Variants in TPO observed in about 807,000 individuals in gnomAD.
TPO encodes the protein thyroid peroxidase.
Under a neutral mutation model 96.9 loss-of-function variants are expected in TPO, and 78 were observed. The observed-to-expected ratio is 0.81, with a 90% confidence interval of 0.67 to 0.97. The LOEUF (loss-of-function observed/expected upper bound fraction) is 0.97. Ranked by LOEUF, TPO falls within the 50% of genes least tolerant of loss-of-function variation. The pLI is 0.00. For missense variants in TPO, 1,252 were observed against 1,274.8 expected (o/e 0.98, Z 0.27); for synonymous variants, 547 against 538.0 (o/e 1.02, Z -0.23).
At chr2:1,489,281 A>G (rs1671487905) in intron 10 of TPO, among the ~76,000 whole-genome samples, 1 of 148,694 alleles carries the variant, frequency 6.7e-6, no homozygotes, top group African/African-American at 2.5e-5. Flanking sequence ...CATGCCCAGC[A>G]CACACCCACA....
At chr2:1,531,705 G>A (rs1395423338) in intron 15 of TPO, among the ~76,000 whole-genome samples, 1 of 31,038 alleles carries the variant, frequency 3.2e-5, no homozygotes, top group Non-Finnish European at 6.4e-5. Flanking sequence ...TTGCAACCTC[G>A]CCAAATCCCC....
intron 1 of TPO, among the ~76,000 whole-genome samples, chr2:1,385,965 T>C (rs186610102): frequency 1.3e-5 from 2 of 152,362 alleles, no homozygotes; most frequent in East Asian, 3.9e-4. Context: ...CTTCATTTTG[T>C]TATATACCCA....
intron 13 of TPO, among the ~76,000 whole-genome samples, chr2:1,500,507 A>G (rs955504886): frequency 2.0e-5 from 3 of 152,196 alleles, no homozygotes; most frequent in South Asian, 2.1e-4. Flanking sequence ...TGATAAGAAT[A>G]TAAGCACTCA....
intron 15 of TPO, among the ~76,000 whole-genome samples, chr2:1,524,439 T>TC (rs1362509110): frequency 1.2e-4 from 1 of 8,144 alleles, no homozygotes; most frequent in African/African-American, 5.1e-4. Flanking sequence ...CCCCCCCAAA[T>TC]CCCCCCACTG....
At chr2:1,525,737 T>A (rs1676299131) in intron 15 of TPO, among the ~76,000 whole-genome samples, 1 of 86,864 alleles carries the variant, frequency 1.2e-5, no homozygotes, top group Non-Finnish European at 2.3e-5. Context: ...CTCTGCAAAC[T>A]CCCCAAATCT....
At chr2:1,438,605 T>A (rs1220813718) in intron 5 of TPO, among the ~76,000 whole-genome samples, 1 of 35,558 alleles carries the variant, frequency 2.8e-5, no homozygotes, top group African/African-American at 1.1e-4. Context: ...ACGTCCCTCC[T>A]CCACGTCAGG....
At position 1,508,905 on chromosome 2, in the gene TPO, C is replaced by T. The variant is rs368067495; in HGVS notation, c.2518+4826C>T. On this transcript the variant is annotated intron_variant, in intron 14 of 16. Coordinates refer to ENST00000329066, the MANE Select transcript of TPO (RefSeq NM_001206744.2). ...TTTCCTTCAGTTCTGCTCTGATCTT[C>T]GTTATTTCTTGCCTTCTGCTAGCTT... 5.3e-5 allele frequency among the ~76,000 whole-genome samples: 8 copies of T among 152,194 alleles called. No individual in the cohort carries two copies. In the South Asian group the frequency reaches 6.2e-4, roughly 12 times the overall value.
chr2:1,378,763 G>A (rs1033933906), intron 1 of TPO, among the ~76,000 whole-genome samples: 1 of 152,168 alleles, frequency 6.6e-6, no homozygotes, highest in Non-Finnish European at 1.5e-5. Flanking sequence ...TGCACCTGGC[G>A]GGGGGTTCGT....
chr2:1,474,774 C>T (rs1380987204), intron 7 of TPO, among the ~76,000 whole-genome samples: 1 of 152,210 alleles, frequency 6.6e-6, no homozygotes, highest in African/African-American at 2.4e-5. Flanking sequence ...GAGCCCTGCT[C>T]CTTTCTCATG....
chr2:1,487,979 C>A lies in TPO; in HGVS notation c.1756C>A (p.His586Asn). 2 of 1,613,206 alleles carry A rather than the reference C, an allele frequency of 1.2e-6. No homozygotes were observed. Among genetic ancestry groups the A allele is most frequent in the Non-Finnish European group, 1.7e-6 (2 of 1,180,040 alleles). ...CATCAACCTGCAGAGGGGCCGGGAC[C>A]ACGGGCTGCCAGGTCTGCCAGTTCC... is the stretch of plus-strand genomic sequence containing the variant. The part of the protein sequence containing the change: ...ASINLQRGRD[H>N]GLPGYNEWRE... The change falls in exon 10 of 17, where the codon CAC becomes AAC. Residue 586 changes from histidine to asparagine, a missense_variant. Transcript: ENST00000329066.
chr2:1,403,707 C>T (rs777995562), intron 1 of TPO, among the ~76,000 whole-genome samples: 1 of 152,204 alleles, frequency 6.6e-6, no homozygotes, highest in Admixed American at 6.5e-5. Context: ...GTGACAGTCC[C>T]GAGAGCGGCT....
chr2:1,407,609 A>G (rs1302646966), intron 1 of TPO, among the ~76,000 whole-genome samples: 1 of 152,204 alleles, frequency 6.6e-6, no homozygotes, highest in Non-Finnish European at 1.5e-5. Context: ...GGAAAGTCAC[A>G]AAGTTACTTG....
At chr2:1,415,285 G>A (rs553009533) in intron 2 of TPO, among the ~76,000 whole-genome samples, 1 of 143,458 alleles carries the variant, frequency 7.0e-6, no homozygotes, top group South Asian at 2.3e-4. Flanking sequence ...GGCCCCTGGA[G>A]CAGGTGACAC....
intron 1 of TPO, among the ~76,000 whole-genome samples, chr2:1,386,853 T>A (rs1330566467): frequency 1.3e-5 from 2 of 152,220 alleles, no homozygotes; most frequent in African/African-American, 2.4e-5. Flanking sequence ...CTGGTACCAG[T>A]TGTTCCTTTC....
At chr2:1,483,542 G>A (rs915801645) in intron 8 of TPO, among the ~76,000 whole-genome samples, 1 of 152,218 alleles carries the variant, frequency 6.6e-6, no homozygotes. Flanking sequence ...ACACCTGTGT[G>A]GTTCAGAAAC....
intron 5 of TPO, among the ~76,000 whole-genome samples, chr2:1,448,239 C>T (rs1666994669): frequency 6.6e-6 from 1 of 152,232 alleles, no homozygotes; most frequent in South Asian, 2.1e-4. Flanking sequence ...TTCCTCCGGC[C>T]TCGCGTGGGA....
chr2:1,395,967 T>C (rs1364549984), intron 1 of TPO, among the ~76,000 whole-genome samples: 2 of 152,218 alleles, frequency 1.3e-5, no homozygotes, highest in Non-Finnish European at 2.9e-5. Flanking sequence ...AGTTACCCAG[T>C]CTGGGATATG....
intron 15 of TPO, among the ~76,000 whole-genome samples, chr2:1,523,045 C>T (rs180831047): frequency 1.3e-5 from 2 of 148,380 alleles, no homozygotes; most frequent in Admixed American, 1.3e-4. Context: ...CCCAAATCTC[C>T]CCAACTGTGT....
At chr2:1,450,639 C>A (rs1020609354) in intron 5 of TPO, among the ~76,000 whole-genome samples, 2 of 152,138 alleles carry the variant, frequency 1.3e-5, no homozygotes, top group African/African-American at 4.8e-5. Context: ...GACCTGCTGA[C>A]CGTGAAGGTC....
Sources: gnomAD v4.1 joint callset for allele counts (sites outside exome capture counted in the v4.1 genomes callset) on GRCh38, gnomAD v4.1.1 for gene constraint, MANE v1.5 for transcripts, NCBI Gene and HGNC (gene_info 2026-07-23, HGNC 2026-07-21) for gene names.